ARHGAP44: variants seen among roughly 807,000 people sequenced by gnomAD.
ARHGAP44 encodes the protein Rho GTPase activating protein 44, also known as rho GTPase-activating protein 44.
In ARHGAP44, 43 loss-of-function variants were observed where a neutral mutation model predicts 106.8. That is an observed-to-expected ratio of 0.40 (90% CI 0.32 to 0.52). The LOEUF (loss-of-function observed/expected upper bound fraction) is 0.52. Ranked by LOEUF, ARHGAP44 falls within the 20% of genes least tolerant of loss-of-function variation. The probability of loss-of-function intolerance (pLI) is 0.48; values close to 1 mark genes in which losing one functional copy is unlikely to be tolerated. For synonymous variants in ARHGAP44, 439 were observed against 410.3 expected (o/e 1.07, Z -0.85); for missense variants, 866 against 1,050.5 (o/e 0.82, Z 2.43).
At chr17:12,823,133 G>C (rs776741527) in intron 1 of ARHGAP44, among the ~76,000 whole-genome samples, 1 of 152,112 alleles carries the variant, frequency 6.6e-6, no homozygotes, top group Non-Finnish European at 1.5e-5. Flanking sequence ...ATGATAAAAT[G>C]AATCTTCAGA....
At chr17:12,968,824 C>T (rs1465921199) in intron 16 of ARHGAP44, among the ~76,000 whole-genome samples, 2 of 148,662 alleles carry the variant, frequency 1.3e-5, no homozygotes, top group South Asian at 2.1e-4. Flanking sequence ...GGTTGGAGTG[C>T]AGTGGCGCCA....
intron 1 of ARHGAP44, among the ~76,000 whole-genome samples, chr17:12,840,979 A>C (rs1334530858): frequency 6.6e-6 from 1 of 152,030 alleles, no homozygotes; most frequent in Non-Finnish European, 1.5e-5. Flanking sequence ...TTGGCCTGGT[A>C]CCCTCATAGT....
In ARHGAP44 at chr17:12,849,594, T is replaced by TTTTTTTTTTTG. The variant is rs11373135; in HGVS notation, c.54-45346_54-45345insTTTTTTTTTTG. Among the ~76,000 whole-genome samples, 6 of 112,454 alleles carry TTTTTTTTTTTG rather than the reference T, an allele frequency of 5.3e-5. 2 individuals carry two copies. The highest frequency in any genetic ancestry group is 2.6e-4 in the African/African-American group (6 of 22,812). The allele number at this position is 112,454 out of a possible 152,430, so 73.8% of individuals were successfully genotyped here. On this transcript the variant is annotated intron_variant, in intron 1 of 20. Transcript: ENST00000379672. ...TTTTTTTTTTTTTTTTTTTTTTTTT[T>TTTTTTTTTTTG]GCTTGGCTTCAGCGTTTTCACCTTG...
At chr17:12,913,674 G>A (rs549000678) in intron 4 of ARHGAP44, among the ~76,000 whole-genome samples, 48 of 115,960 alleles carry the variant, frequency 4.1e-4, no homozygotes, top group Non-Finnish European at 4.2e-4. Flanking sequence ...AACACTTTGG[G>A]AGGCCGAGGC....
At chr17:12,856,971 A>T (rs1180277068) in intron 1 of ARHGAP44, among the ~76,000 whole-genome samples, 1 of 152,232 alleles carries the variant, frequency 6.6e-6, no homozygotes, top group Admixed American at 6.5e-5. Context: ...ATATGTCATT[A>T]GAAGTATAAT....
intron 7 of ARHGAP44, among the ~76,000 whole-genome samples, chr17:12,931,988 T>C (rs2038417652): frequency 6.6e-6 from 1 of 152,176 alleles, no homozygotes; most frequent in African/African-American, 2.4e-5. Flanking sequence ...TATACTTATA[T>C]GTATATCCTT....
In ARHGAP44 at chr17:12,865,508, G is replaced by A. The variant is rs185792606; in HGVS notation, c.54-29432G>A. On this transcript the variant is annotated intron_variant, in intron 1 of 20. Transcript: ENST00000379672. ...GTAAGAGGTCAGAAATCAGTAGTGA[G>A]GCTGGGTGCGGTGGCTCACGCCTGT... Among the ~76,000 whole-genome samples, 494 of 152,258 alleles carry A rather than the reference G, an allele frequency of 3.2e-3. 2 individuals are homozygous for A. The highest frequency in any genetic ancestry group is 0.011 in the African/African-American group (470 of 41,554).
At chr17:12,968,348 C>T (rs749030215) in intron 16 of ARHGAP44, among the ~76,000 whole-genome samples, 1 of 152,200 alleles carries the variant, frequency 6.6e-6, no homozygotes, top group Non-Finnish European at 1.5e-5. Flanking sequence ...GGACAGCTGA[C>T]GGTTGCAGGA....
At chr17:12,851,004 G>A (rs2035723956) in intron 1 of ARHGAP44, among the ~76,000 whole-genome samples, 1 of 152,186 alleles carries the variant, frequency 6.6e-6, no homozygotes, top group Admixed American at 6.5e-5. Flanking sequence ...CATTTCTGCT[G>A]TCCTCATTGG....
chr17:12,951,823 C>T (rs934500494), intron 12 of ARHGAP44, among the ~76,000 whole-genome samples: 3 of 152,188 alleles, frequency 2.0e-5, no homozygotes, highest in Admixed American at 6.5e-5. Flanking sequence ...GATACTAATG[C>T]GTGAACCCTT....
chr17:12,911,661 A>C (rs1350742457), intron 4 of ARHGAP44, among the ~76,000 whole-genome samples: 1 of 152,202 alleles, frequency 6.6e-6, no homozygotes, highest in East Asian at 1.9e-4. Flanking sequence ...GGAACCTGTC[A>C]TCCCCCGACT....
chr17:12,802,385 C>G (rs773011823), intron 1 of ARHGAP44, among the ~76,000 whole-genome samples: 11 of 152,280 alleles, frequency 7.2e-5, no homozygotes, highest in Non-Finnish European at 1.2e-4. Flanking sequence ...GGGCAAAGGA[C>G]AGTGTCGTCA....
chr17:12,970,365 C>CAAAAAAAAAAAAAAAAAAAAA (rs66577680), intron 16 of ARHGAP44, among the ~76,000 whole-genome samples: 1 of 55,196 alleles, frequency 1.8e-5, no homozygotes, highest in Non-Finnish European at 4.2e-5. Context: ...GACCCTGTCT[C>CAAAAAAAAAAAAAAAAAAAAA]AAAAAAAAAA....
chr17:12,815,933 T>TG (rs2034584811), intron 1 of ARHGAP44, among the ~76,000 whole-genome samples: 1 of 151,880 alleles, frequency 6.6e-6, no homozygotes, highest in South Asian at 2.1e-4. Flanking sequence ...TAGAAGGAAG[T>TG]GGGTATTGTG....
At chr17:12,838,652 A>AC (rs1221436599) in intron 1 of ARHGAP44, among the ~76,000 whole-genome samples, 1 of 151,326 alleles carries the variant, frequency 6.6e-6, no homozygotes, top group Non-Finnish European at 1.5e-5. Flanking sequence ...AACCTTATTC[A>AC]CCCCCCACCC....
At chr17:12,969,492 T>C (rs1275845007) in intron 16 of ARHGAP44, among the ~76,000 whole-genome samples, 1 of 152,188 alleles carries the variant, frequency 6.6e-6, no homozygotes, top group African/African-American at 2.4e-5. Flanking sequence ...GATAATCAGA[T>C]AGAACTCCTC....
intron 3 of ARHGAP44, among the ~76,000 whole-genome samples, chr17:12,905,120 G>T (rs2037509328): frequency 6.7e-6 from 1 of 149,752 alleles, no homozygotes; most frequent in African/African-American, 2.5e-5. Flanking sequence ...CACCATATTG[G>T]CCAGGCTGGT....
chr17:12,809,492 C>G (rs1381903844), intron 1 of ARHGAP44, among the ~76,000 whole-genome samples: 1 of 152,168 alleles, frequency 6.6e-6, no homozygotes, highest in African/African-American at 2.4e-5. Flanking sequence ...GGGAACTCCC[C>G]TTTATAAAAT....
chr17:12,898,274 G>A (rs986948635), intron 3 of ARHGAP44, among the ~76,000 whole-genome samples: 5 of 152,194 alleles, frequency 3.3e-5, no homozygotes, highest in African/African-American at 7.2e-5. Flanking sequence ...GGCCTGCGGT[G>A]TGACAGCCCC....
Sources: gnomAD v4.1 joint callset for allele counts (sites outside exome capture counted in the v4.1 genomes callset) on GRCh38, gnomAD v4.1.1 for gene constraint, MANE v1.5 for transcripts, NCBI Gene and HGNC (gene_info 2026-07-23, HGNC 2026-07-21) for gene names.